ASMTL: variants seen among roughly 807,000 people sequenced by gnomAD.
The protein encoded by ASMTL is probable bifunctional dTTP/UTP pyrophosphatase/methyltransferase protein.
A neutral mutation model predicts 60.3 loss-of-function variants in ASMTL; 57 were observed. The observed-to-expected ratio is 0.95, with a 90% CI of 0.76 to 1.18. ASMTL has a LOEUF of 1.18. ASMTL is among the 50% of genes most tolerant of loss of function. The probability of loss-of-function intolerance (pLI) is 0.00; values close to 1 mark genes in which losing one functional copy is unlikely to be tolerated. For synonymous variants in ASMTL, 419 were observed against 373.0 expected, an observed-to-expected ratio of 1.12 and a Z score of -1.42; for missense variants, 981 against 852.6, an observed-to-expected ratio of 1.15 and a Z score of -1.88.
intron 1 of ASMTL, among the ~76,000 whole-genome samples, chrX:1,452,051 C>T (rs1235509792): frequency 1.4e-5 from 2 of 142,646 alleles, no homozygotes; most frequent in Non-Finnish European, 3.1e-5. Flanking sequence ...TCCCGGGTTT[C>T]TCTCCCCTCC....
At chrX:1,408,071 AAT>A in intron 12 of ASMTL, among the ~76,000 whole-genome samples, 1 of 151,112 alleles carries the variant, frequency 6.6e-6, no homozygotes, top group African/African-American at 2.4e-5. Context: ...CATGATAACA[AAT>A]GCTGGTACTC....
At chrX:1,422,299 C>A (rs2090503171) in intron 8 of ASMTL, among the ~76,000 whole-genome samples, 1 of 152,164 alleles carries the variant, frequency 6.6e-6, no homozygotes, top group African/African-American at 2.4e-5. Flanking sequence ...CATTGAAAAC[C>A]CCAGAAGCAA....
chrX:1,425,130 C>T (rs2090584619), intron 8 of ASMTL, among the ~76,000 whole-genome samples: 1 of 152,170 alleles, frequency 6.6e-6, no homozygotes. Context: ...TATCGTCAAT[C>T]TATATCAATG....
At chrX:1,412,945 A>G (rs5949005) in intron 11 of ASMTL, 91 bp from the exon 12 acceptor site, 601,338 of 1,428,904 alleles carry the variant, frequency 0.42, 126,707 homozygotes, top group African/African-American at 0.45. Flanking sequence ...CGCATCCTAA[A>G]TCAGGGACAG....
At chrX:1,405,616 AGATAGATGAATGGATG>A (rs1360877737) in intron 12 of ASMTL, among the ~76,000 whole-genome samples, 2 of 151,002 alleles carry the variant, frequency 1.3e-5, no homozygotes, top group African/African-American at 4.9e-5. Context: ...ATGGGTAGGT[AGATAGATGAATGGATG>A]GATAGATGGA....
chrX:1,438,679 T>C (rs1395742764), intron 3 of ASMTL, among the ~76,000 whole-genome samples: 2 of 152,200 alleles, frequency 1.3e-5, no homozygotes, highest in African/African-American at 4.8e-5. Flanking sequence ...TCTGTATCAT[T>C]GATGATATAG....
chrX:1,406,806 G>A (rs2089867838), intron 12 of ASMTL, among the ~76,000 whole-genome samples: 1 of 151,614 alleles, frequency 6.6e-6, no homozygotes, highest in Non-Finnish European at 1.5e-5. Context: ...TGGATGGATG[G>A]GTGAATAGAT....
At chrX:1,430,921 C>T (rs2090755447) in intron 6 of ASMTL, among the ~76,000 whole-genome samples, 1 of 139,944 alleles carries the variant, frequency 7.1e-6, no homozygotes, top group African/African-American at 2.6e-5. Flanking sequence ...ACACATAATA[C>T]ATTATATATT....
rs1173051147 is a variant in ASMTL, at chrX:1,439,141, C to G, written c.229G>C (p.Asp77His). The G allele has an allele frequency of 1.2e-6, 2 of 1,614,024 alleles. No individual in the cohort carries two copies. The highest frequency in any genetic ancestry group is 1.7e-5 in the Admixed American group (1 of 60,020). The change falls in exon 3 of 13, where the codon GAC (aspartate) becomes CAC (histidine). Residue 77 changes from aspartate (D) to histidine (H), a missense_variant. Asp to His is a moderately conservative substitution (Grantham distance 81, BLOSUM62 -1). Transcript: ENST00000381317. ...LEVANRLYQKDLRAPDVVIGA... is the reference protein window; with the variant it reads ...LEVANRLYQKHLRAPDVVIGA... ...ATGACCACGTCGGGGGCCCGCAGGTCTTTCTGTAAGAAAACCAGATTCCGG... is the reference window on the plus strand; with the variant it reads ...ATGACCACGTCGGGGGCCCGCAGGTGTTTCTGTAAGAAAACCAGATTCCGG...
At position 1,423,078 on chromosome X, in the gene ASMTL, G is replaced by A. The variant is rs372597289; in HGVS notation, c.1061-1236C>T. ...TGCCATTGTCCTCCCTCAGCCTCCC[G>A]AGTAGCTGGGACTACAGGCACCCGC... is the stretch of plus-strand genomic sequence containing the variant. On this transcript the variant is annotated intron_variant, in intron 8 of 12. Coordinates refer to ENST00000381317, the MANE Select transcript of ASMTL (RefSeq NM_004192.4). 8.3e-4 allele frequency among the ~76,000 whole-genome samples: 126 copies of A among 152,060 alleles called. 1 individual carries two copies. Among genetic ancestry groups the A allele is most frequent in the South Asian group, 7.9e-3 (38 of 4,812 alleles).
In ASMTL at chrX:1,435,745, AGCCCCCCGACT is replaced by A. The variant is rs751576398; in HGVS notation, c.276_286del (p.Val93AspfsTer144). ...CTTGTCCACCGGCTTCTCCAGAATC[AGCCCCCCGACT>A]GTCTGTGAGAGGAAGGGACAGAGGG... On this transcript the variant is annotated frameshift_variant and splice_region_variant, in exon 4 of 13. Transcript: ENST00000381317. LOFTEE classifies it high-confidence loss of function. 6.2e-7 allele frequency: 1 copy of A among 1,613,434 alleles called. No homozygotes were observed. The highest frequency in any genetic ancestry group is 8.5e-7 in the Non-Finnish European group (1 of 1,179,776).
At chrX:1,404,163 CG>C (rs1160924153) in intron 12 of ASMTL, among the ~76,000 whole-genome samples, 47 of 114,088 alleles carry the variant, frequency 4.1e-4, no homozygotes, top group African/African-American at 1.6e-3. Flanking sequence ...ATGATGGGTA[CG>C]TAGGTAGATG....
intron 11 of ASMTL, among the ~76,000 whole-genome samples, chrX:1,416,976 G>A (rs2090305501): frequency 6.6e-6 from 1 of 150,654 alleles, no homozygotes; most frequent in Admixed American, 6.7e-5. Context: ...AGACACGCAT[G>A]CAAGGACATA....
rs1165936379 is a variant in ASMTL at position 1,421,906 on chromosome X, G to T, written c.1061-64C>A. On this transcript the variant is annotated intron_variant, in intron 8 of 12. Transcript: ENST00000381317. ...AAAACCCAAGGAAACCTGACCGTAG[G>T]GGATGTATCATTGAGATGTTAAAAT... 2.0e-6 allele frequency: 3 copies of T among 1,471,114 alleles called. No individual in the cohort carries two copies. The African/African-American group carries it at 4.2e-5, about 20-fold the overall frequency. The allele number at this position is 1,471,114 out of a possible 1,614,324, so 91.1% of individuals were successfully genotyped here.
chrX:1,435,655 C>T, intron 4 of ASMTL, 39 bp downstream of exon 4: 1 of 1,608,520 alleles, frequency 6.2e-7, no homozygotes, highest in Non-Finnish European at 8.5e-7. Flanking sequence ...CTCTGTGGCT[C>T]AGAACCCGAG....
intron 11 of ASMTL, among the ~76,000 whole-genome samples, chrX:1,413,328 C>G (rs1375370962): frequency 7.3e-5 from 11 of 150,120 alleles, no homozygotes; most frequent in Non-Finnish European, 1.5e-4. Context: ...CGCCATCGCA[C>G]TCCAGCCTGG....
intron 1 of ASMTL, among the ~76,000 whole-genome samples, chrX:1,448,095 C>G (rs1272305253): frequency 6.6e-6 from 1 of 151,182 alleles, no homozygotes; most frequent in Non-Finnish European, 1.5e-5. Flanking sequence ...ACACAGCCAT[C>G]TTGGATAAGC....
chrX:1,419,039 A>G lies in ASMTL; in HGVS notation c.1321T>C (p.Cys441Arg). The G allele has an allele frequency of 6.2e-7, 1 of 1,611,680 alleles. No homozygotes were observed. Residue 441 changes from cysteine (C) to arginine (R), a missense_variant, in exon 10 of 13, where the codon TGC becomes CGC. Transcript: ENST00000381317. ...AGATTGAAGGCCGTGGCCACCTGGCACGCAGTCAGCTTCGTCATGCCGTGC... is the reference window on the plus strand; with the variant it reads ...AGATTGAAGGCCGTGGCCACCTGGCGCGCAGTCAGCTTCGTCATGCCGTGC... ...AMHGMTKLTACQVATAFNLSR... is the reference protein window; with the variant it reads ...AMHGMTKLTARQVATAFNLSR...
At chrX:1,418,294 G>C in intron 10 of ASMTL, 178 bp from the exon 11 acceptor site, 1 of 236,934 alleles carries the variant, frequency 4.2e-6, no homozygotes, top group Non-Finnish European at 6.9e-6. Context: ...ACAAGCAGGT[G>C]AGTGTGGGGG....
Sources: gnomAD v4.1 joint callset for allele counts (sites outside exome capture counted in the v4.1 genomes callset) on GRCh38, gnomAD v4.1.1 for gene constraint, MANE v1.5 for transcripts, NCBI Gene and HGNC (gene_info 2026-07-23, HGNC 2026-07-21) for gene names.